Variants in SMCO4 observed in about 807,000 individuals in gnomAD.
The protein encoded by SMCO4 is single-pass membrane protein with coiled-coil domains 4, also known as single-pass membrane and coiled-coil domain-containing protein 4.
SMCO4 carries 4 observed loss-of-function variants against 3.6 expected under a neutral mutation model. The ratio of observed to expected loss-of-function variants is 1.11; its 90% CI spans 0.54 to 2.53. SMCO4 has a LOEUF of 2.53. Ranked by LOEUF, SMCO4 falls within the 30% of genes most tolerant of loss-of-function variation. The pLI, the probability that SMCO4 is intolerant of heterozygous loss-of-function variation, is 0.02. For synonymous variants in SMCO4, 36 were observed against 35.3 expected (o/e 1.02, Z -0.07); for missense variants, 70 against 80.8 (o/e 0.87, Z 0.51).
chr11:93,523,025 G>A (rs1427620006), intron 1 of SMCO4, among the ~76,000 whole-genome samples: 1 of 152,174 alleles, frequency 6.6e-6, no homozygotes. Context: ...AAAATTGCAG[G>A]TCACTTTGCT....
At chr11:93,509,254 G>C (rs1320611907) in intron 1 of SMCO4, among the ~76,000 whole-genome samples, 1 of 151,122 alleles carries the variant, frequency 6.6e-6, no homozygotes, top group Non-Finnish European at 1.5e-5. Context: ...TTGCACTGCT[G>C]TACTTTAGCT....
At chr11:93,480,409 C>T (rs1271331219) in intron 2 of SMCO4, among the ~76,000 whole-genome samples, 1 of 152,160 alleles carries the variant, frequency 6.6e-6, no homozygotes. Flanking sequence ...GAACTCGCCA[C>T]CCCCCAGCAT....
At chr11:93,491,457 G>A (rs531030027) in intron 2 of SMCO4, among the ~76,000 whole-genome samples, 17 of 152,220 alleles carry the variant, frequency 1.1e-4, no homozygotes, top group African/African-American at 2.9e-4. Context: ...AAAGCCTTCC[G>A]TGGCTCTCAC....
chr11:93,542,251 T>C (rs1293347930), intron 1 of SMCO4, among the ~76,000 whole-genome samples: 2 of 152,186 alleles, frequency 1.3e-5, no homozygotes. Flanking sequence ...GGCCATGTCT[T>C]CCACCCTTGC....
intron 1 of SMCO4, among the ~76,000 whole-genome samples, chr11:93,530,964 A>G (rs1486242861): frequency 6.6e-6 from 1 of 152,220 alleles, no homozygotes; most frequent in Non-Finnish European, 1.5e-5. Context: ...ATATGAGCTT[A>G]TTTAGAAATA....
chr11:93,481,434 C>T (rs1029227033), intron 2 of SMCO4: 76 of 985,330 alleles, frequency 7.7e-5, no homozygotes, highest in African/African-American at 2.3e-4. Context: ...TGCCCACCTT[C>T]GCGGGACCGT....
chr11:93,479,744 G>T (rs1948570271), intron 2 of SMCO4, among the ~76,000 whole-genome samples: 1 of 152,168 alleles, frequency 6.6e-6, no homozygotes, highest in African/African-American at 2.4e-5. Context: ...CCTCATTAAG[G>T]CTGCAGAGAG....
intron 1 of SMCO4, among the ~76,000 whole-genome samples, chr11:93,535,250 T>C (rs1949207944): frequency 6.6e-6 from 1 of 152,198 alleles, no homozygotes; most frequent in Admixed American, 6.5e-5. Flanking sequence ...TCAGGAGCTC[T>C]TGCTTCCAGG....
At chr11:93,510,733 G>C (rs1948949202) in intron 1 of SMCO4, among the ~76,000 whole-genome samples, 1 of 152,294 alleles carries the variant, frequency 6.6e-6, no homozygotes, top group African/African-American at 2.4e-5. Context: ...CAAGGACTAA[G>C]GGCCTGCCCA....
chr11:93,507,974 A>G (rs1347241680), intron 1 of SMCO4, among the ~76,000 whole-genome samples: 1 of 152,240 alleles, frequency 6.6e-6, no homozygotes, highest in African/African-American at 2.4e-5. Context: ...GGAAATATTT[A>G]CTTTTCATTA....
chr11:93,489,380 C>A (rs1812061015), intron 2 of SMCO4, among the ~76,000 whole-genome samples: 2 of 152,134 alleles, frequency 1.3e-5, no homozygotes, highest in African/African-American at 4.8e-5. Context: ...CAAAGAAGAG[C>A]ATCTGCTTAG....
intron 2 of SMCO4, 64 bp downstream of exon 2, chr11:93,499,212 G>A (rs2134594320): frequency 6.6e-6 from 1 of 152,322 alleles, no homozygotes; most frequent in African/African-American, 2.4e-5. Context: ...AGGCATATGA[G>A]AGAAATGACT....
chr11:93,513,865 G>A (rs1450421750), intron 1 of SMCO4, among the ~76,000 whole-genome samples: 1 of 152,226 alleles, frequency 6.6e-6, no homozygotes, highest in Non-Finnish European at 1.5e-5. Context: ...GTAAGTGACT[G>A]AGGGAGGACT....
chr11:93,524,273 G>A (rs1949085997), intron 1 of SMCO4, among the ~76,000 whole-genome samples: 1 of 152,132 alleles, frequency 6.6e-6, no homozygotes, highest in Admixed American at 6.6e-5. Flanking sequence ...GCCAGGAAAC[G>A]GCCGGGAGGG....
At chr11:93,537,019 A>G (rs1474384666) in intron 1 of SMCO4, among the ~76,000 whole-genome samples, 1 of 152,236 alleles carries the variant, frequency 6.6e-6, no homozygotes, top group African/African-American at 2.4e-5. Flanking sequence ...AGCTCTGTGG[A>G]AGCTGCAAAC....
upstream of SMCO4, chr11:93,543,595 C>A (rs990384278): frequency 2.6e-5 from 4 of 152,446 alleles, no homozygotes; most frequent in Non-Finnish European, 5.9e-5. Flanking sequence ...TCGCCCTGAC[C>A]ACCTCTGCAG....
At chr11:93,496,900 T>C (rs1948780072) in intron 2 of SMCO4, among the ~76,000 whole-genome samples, 1 of 152,200 alleles carries the variant, frequency 6.6e-6, no homozygotes, top group Non-Finnish European at 1.5e-5. Flanking sequence ...TATCTGGTCC[T>C]GGGCCCCAAC....
chr11:93,525,754 C>T (rs1263348635), intron 1 of SMCO4, among the ~76,000 whole-genome samples: 1 of 152,200 alleles, frequency 6.6e-6, no homozygotes, highest in Non-Finnish European at 1.5e-5. Flanking sequence ...ATATCTGTGA[C>T]CTACTTAGTC....
chr11:93,517,487 A>C (rs1256826115), intron 1 of SMCO4, among the ~76,000 whole-genome samples: 3 of 152,188 alleles, frequency 2.0e-5, no homozygotes, highest in Admixed American at 6.5e-5. Flanking sequence ...AAATTTAGAG[A>C]ACAAGATTTT....
Sources: allele counts gnomAD v4.1 joint callset (sites outside exome capture counted in the v4.1 genomes callset), GRCh38; gene constraint gnomAD v4.1.1; transcripts MANE v1.5; gene names NCBI Gene and HGNC (gene_info 2026-07-23, HGNC 2026-07-21).